Variants in TFDP2 observed in about 807,000 individuals in gnomAD.
The protein encoded by TFDP2 is transcription factor Dp-2 (E2F dimerization partner 2).
Under a neutral mutation model 59.3 loss-of-function variants are expected in TFDP2, and 17 were observed. The observed-to-expected ratio is 0.29, with a 90% CI of 0.20 to 0.43. The LOEUF is 0.43. Ranked by LOEUF, TFDP2 falls within the 20% of genes least tolerant of loss-of-function variation. The pLI, the probability that TFDP2 is intolerant of heterozygous loss-of-function variation, is 1.00. For missense variants in TFDP2, 391 were observed against 528.8 expected, an observed-to-expected ratio of 0.74 and a Z score of 2.56; for synonymous variants, 180 against 194.7, an observed-to-expected ratio of 0.92 and a Z score of 0.63.
chr3:142,109,347 T>TC (rs1022133563), intron 1 of TFDP2, among the ~76,000 whole-genome samples: 8 of 151,926 alleles, frequency 5.3e-5, no homozygotes, highest in Non-Finnish European at 1.2e-4. Flanking sequence ...TTTTTTTTTT[T>TC]TGAGATGGAG....
intron 10 of TFDP2, among the ~76,000 whole-genome samples, chr3:141,960,320 G>GAA (rs1248182754): frequency 6.6e-6 from 1 of 152,158 alleles, no homozygotes; most frequent in East Asian, 1.9e-4. Context: ...TTCAACAAGT[G>GAA]AAAACAACCC....
chr3:142,084,051 A>G (rs1288269368), intron 3 of TFDP2, among the ~76,000 whole-genome samples: 1 of 152,196 alleles, frequency 6.6e-6, no homozygotes, highest in Non-Finnish European at 1.5e-5. Context: ...GAAACAATCA[A>G]CAAAGTGAGA....
chr3:142,084,406 CA>C (rs985297987), intron 3 of TFDP2, among the ~76,000 whole-genome samples: 3 of 152,128 alleles, frequency 2.0e-5, no homozygotes, highest in Non-Finnish European at 4.4e-5. Flanking sequence ...CTATGGAGAA[CA>C]GTTTGGGAGC....
intron 8 of TFDP2, 36 bp from the exon 9 acceptor site, chr3:141,970,177 G>A (rs776725664): frequency 3.7e-5 from 58 of 1,586,076 alleles, no homozygotes; most frequent in Non-Finnish European, 4.6e-5. Flanking sequence ...TATGAACATA[G>A]GTAGACTATA....
chr3:142,140,796 C>T (rs913841271), intron 1 of TFDP2, among the ~76,000 whole-genome samples: 17 of 152,192 alleles, frequency 1.1e-4, no homozygotes, highest in African/African-American at 2.9e-4. Context: ...AGGTGTCTGT[C>T]GCCCCCTACT....
intron 1 of TFDP2, chr3:142,126,169 T>A (rs543236785): frequency 6.7e-6 from 1 of 150,216 alleles, no homozygotes; most frequent in Admixed American, 6.6e-5. Flanking sequence ...GTTCCCAGAA[T>A]TTTTTTCTTT....
intron 9 of TFDP2, among the ~76,000 whole-genome samples, chr3:141,968,268 T>C (rs1421635750): frequency 7.5e-6 from 1 of 134,094 alleles, no homozygotes; most frequent in African/African-American, 2.8e-5. Flanking sequence ...TTATATATAA[T>C]TATATATAAT....
chr3:142,040,570 G>C (rs916436419), intron 3 of TFDP2, among the ~76,000 whole-genome samples: 1 of 152,142 alleles, frequency 6.6e-6, no homozygotes, highest in African/African-American at 2.4e-5. Flanking sequence ...TGGGATTACA[G>C]GCAGGCATTG....
intron 3 of TFDP2, among the ~76,000 whole-genome samples, chr3:142,010,477 C>T (rs576305479): frequency 8.6e-5 from 13 of 152,020 alleles, no homozygotes; most frequent in South Asian, 4.2e-4. Context: ...GGCATGGTGG[C>T]GTGTGCCTGT....
intron 11 of TFDP2, among the ~76,000 whole-genome samples, chr3:141,958,509 T>C (rs1322202901): frequency 6.6e-6 from 1 of 152,034 alleles, no homozygotes; most frequent in Admixed American, 6.6e-5. Context: ...TGAATGACAA[T>C]GAAATGTAAG....
chr3:142,023,814 T>A (rs1424347461), intron 3 of TFDP2, among the ~76,000 whole-genome samples: 2 of 150,492 alleles, frequency 1.3e-5, no homozygotes, highest in African/African-American at 4.8e-5. Context: ...GATTTTTAAA[T>A]TTTTTTTGAG....
intron 11 of TFDP2, 70 bp downstream of exon 11, chr3:141,959,604 A>G (rs1027874484): frequency 5.5e-5 from 85 of 1,551,766 alleles, no homozygotes; most frequent in Non-Finnish European, 6.8e-5. Context: ...ATTTTCTATA[A>G]GAAAGGTTTT....
At chr3:142,042,127 T>C (rs921755489) in intron 3 of TFDP2, among the ~76,000 whole-genome samples, 1 of 152,334 alleles carries the variant, frequency 6.6e-6, no homozygotes, top group African/African-American at 2.4e-5. Flanking sequence ...TTCCTGAGTC[T>C]ATCTTTTAAA....
intron 2 of TFDP2, among the ~76,000 whole-genome samples, chr3:142,095,148 G>T (rs1296926880): frequency 6.6e-6 from 1 of 151,894 alleles, no homozygotes; most frequent in African/African-American, 2.4e-5. Context: ...CCACCACCAC[G>T]CCCAGCTAAT....
intron 3 of TFDP2, among the ~76,000 whole-genome samples, chr3:142,012,141 T>C (rs1560029075): frequency 6.6e-6 from 1 of 151,684 alleles, no homozygotes; most frequent in Non-Finnish European, 1.5e-5. Flanking sequence ...GCCTCCCAAG[T>C]AGCTGGGACT....
chr3:142,123,429 C>T (rs1255913949), intron 1 of TFDP2, among the ~76,000 whole-genome samples: 1 of 152,114 alleles, frequency 6.6e-6, no homozygotes, highest in Non-Finnish European at 1.5e-5. Flanking sequence ...CCATCGCGCC[C>T]AGCAATTTTT....
intron 3 of TFDP2, among the ~76,000 whole-genome samples, chr3:142,071,559 G>C (rs1054168312): frequency 3.9e-5 from 6 of 152,170 alleles, no homozygotes; most frequent in African/African-American, 1.4e-4. Flanking sequence ...ATCTGTGTTT[G>C]AGAAAAAGTA....
At chr3:141,979,869 G>A (rs1401749881) in intron 6 of TFDP2, among the ~76,000 whole-genome samples, 2 of 151,222 alleles carry the variant, frequency 1.3e-5, no homozygotes, top group African/African-American at 4.9e-5. Flanking sequence ...GATTACAGGC[G>A]TGAGCCACTG....
intron 3 of TFDP2, among the ~76,000 whole-genome samples, chr3:142,092,107 T>C (rs1338444396): frequency 1.3e-5 from 2 of 152,208 alleles, no homozygotes; most frequent in African/African-American, 4.8e-5. Flanking sequence ...TTACCTAACT[T>C]AAACAAATAA....
Sources: gnomAD v4.1 joint callset for allele counts (sites outside exome capture counted in the v4.1 genomes callset) on GRCh38, gnomAD v4.1.1 for gene constraint, MANE v1.5 for transcripts, NCBI Gene and HGNC (gene_info 2026-07-23, HGNC 2026-07-21) for gene names.